CNOT4: variants seen among roughly 807,000 people sequenced by gnomAD.
CNOT4 encodes CCR4-NOT transcription complex subunit 4.
CNOT4 carries 8 observed loss-of-function variants against 73.8 expected under a neutral mutation model. That is an observed-to-expected ratio of 0.11 (90% CI 0.06 to 0.20). CNOT4 has a LOEUF of 0.20. Among genes scored for constraint, CNOT4 ranks in the 10% least tolerant of loss-of-function variants. CNOT4 has a pLI of 1.00. For synonymous variants in CNOT4, 293 were observed against 321.1 expected (o/e 0.91, Z 0.94); for missense variants, 564 against 883.4 (o/e 0.64, Z 4.58).
intron 1 of CNOT4, among the ~76,000 whole-genome samples, chr7:135,481,313 C>T (rs1329039068): frequency 6.6e-6 from 1 of 151,590 alleles, no homozygotes; most frequent in Non-Finnish European, 1.5e-5. Context: ...ATAAAAATGG[C>T]CAACAAGTAT....
chr7:135,416,559 A>C (rs1797883980), intron 3 of CNOT4, among the ~76,000 whole-genome samples: 2 of 152,202 alleles, frequency 1.3e-5, no homozygotes. Context: ...TAAAGAGAGA[A>C]GAGCAGAGTT....
At chr7:135,428,152 A>G (rs975653867) in intron 2 of CNOT4, among the ~76,000 whole-genome samples, 4 of 152,238 alleles carry the variant, frequency 2.6e-5, no homozygotes, top group Non-Finnish European at 5.9e-5. Context: ...GAGTTGCAGC[A>G]TGGAGATATA....
intron 1 of CNOT4, among the ~76,000 whole-genome samples, chr7:135,445,338 TAAAA>T (rs992129019): frequency 4.2e-4 from 64 of 152,240 alleles, no homozygotes; most frequent in Non-Finnish European, 6.9e-4. Flanking sequence ...AATTCATGAA[TAAAA>T]ACTTTGTAGA....
At chr7:135,405,330 A>G (rs1040972139) in intron 7 of CNOT4, among the ~76,000 whole-genome samples, 3 of 152,166 alleles carry the variant, frequency 2.0e-5, no homozygotes, top group Middle Eastern at 3.2e-3. Flanking sequence ...CAGCCACAAT[A>G]TCAAGTCATA....
intron 1 of CNOT4, among the ~76,000 whole-genome samples, chr7:135,495,751 A>G (rs1803519108): frequency 1.5e-5 from 2 of 134,492 alleles, no homozygotes; most frequent in Non-Finnish European, 3.3e-5. Context: ...AGAAAGAAAG[A>G]AAGAAAGAAA....
chr7:135,495,696 AAGAAAG>A lies in CNOT4; in HGVS notation c.-93+14187_-93+14192del, dbSNP rs1563083503. Among the ~76,000 whole-genome samples, 134 of 24,338 alleles carry A rather than the reference AAGAAAG, an allele frequency of 5.5e-3. 8 individuals carry two copies. Among genetic ancestry groups the A allele is most frequent in the African/African-American group, 0.017 (129 of 7,626 alleles). The allele number at this position is 24,338 out of a possible 152,430, so 16.0% of individuals were successfully genotyped here. On this transcript the variant is annotated intron_variant, in intron 1 of 11. Transcript: ENST00000541284. ...AAAAAAAAAAAAAAAAAAAAAAAGA[AAGAAAG>A]AAAGAAAGAAAGAAAGAAAGAAAGA...
At chr7:135,374,022 T>C (rs994619916) in intron 10 of CNOT4, among the ~76,000 whole-genome samples, 16 of 152,262 alleles carry the variant, frequency 1.1e-4, no homozygotes, top group African/African-American at 3.9e-4. Context: ...CGTAGCATTT[T>C]GACTAGAACT....
intron 2 of CNOT4, among the ~76,000 whole-genome samples, chr7:135,424,830 A>C (rs1040126893): frequency 6.6e-6 from 1 of 152,122 alleles, no homozygotes; most frequent in Non-Finnish European, 1.5e-5. Flanking sequence ...AAAACAAACA[A>C]GTTCATTTGA....
intron 1 of CNOT4, among the ~76,000 whole-genome samples, chr7:135,470,738 A>G (rs1801527800): frequency 1.3e-5 from 2 of 152,248 alleles, no homozygotes; most frequent in African/African-American, 2.4e-5. Flanking sequence ...GAAGCCAGTC[A>G]CAAAATTATG....
chr7:135,459,018 C>T (rs1054641749), intron 1 of CNOT4, among the ~76,000 whole-genome samples: 2 of 152,030 alleles, frequency 1.3e-5, no homozygotes, highest in South Asian at 2.1e-4. Flanking sequence ...TCACTATCTA[C>T]AGCAACTATA....
intron 1 of CNOT4, among the ~76,000 whole-genome samples, chr7:135,486,825 C>G (rs1802750836): frequency 6.6e-6 from 1 of 152,018 alleles, no homozygotes; most frequent in Non-Finnish European, 1.5e-5. Flanking sequence ...AAAAACAAAA[C>G]AAAACACTTT....
intron 1 of CNOT4, among the ~76,000 whole-genome samples, chr7:135,480,720 T>C (rs1434354847): frequency 6.6e-6 from 1 of 152,174 alleles, no homozygotes; most frequent in Non-Finnish European, 1.5e-5. Context: ...GTTCCTTCCA[T>C]TTTGTTCCTG....
At chr7:135,461,299 AAG>A (rs1377174756) in intron 1 of CNOT4, among the ~76,000 whole-genome samples, 7 of 152,118 alleles carry the variant, frequency 4.6e-5, no homozygotes, top group African/African-American at 1.7e-4. Flanking sequence ...GTGTGCAAAA[AAG>A]AAATAAGCAA....
At chr7:135,388,377 C>T in intron 10 of CNOT4, 5 of 984,654 alleles carry the variant, frequency 5.1e-6, no homozygotes, top group Non-Finnish European at 6.0e-6. Flanking sequence ...ATGCAATAGA[C>T]ATTATCTTGT....
At chr7:135,471,312 CACTCAAACAA>C (rs1174479148) in intron 1 of CNOT4, among the ~76,000 whole-genome samples, 2 of 151,132 alleles carry the variant, frequency 1.3e-5, no homozygotes, top group Non-Finnish European at 2.9e-5. Context: ...ATTCAGAGAC[CACTCAAACAA>C]ACGAAAACAG....
intron 1 of CNOT4, among the ~76,000 whole-genome samples, chr7:135,499,561 T>C (rs903701806): frequency 2.0e-5 from 3 of 152,028 alleles, no homozygotes; most frequent in Non-Finnish European, 4.4e-5. Context: ...TTGGAAAAGA[T>C]TTTTCAAACA....
At chr7:135,415,955 G>A (rs1201441527) in intron 3 of CNOT4, among the ~76,000 whole-genome samples, 6 of 151,890 alleles carry the variant, frequency 4.0e-5, no homozygotes, top group Admixed American at 2.0e-4. Flanking sequence ...TGGTACCTAC[G>A]TACCTCATCT....
chr7:135,383,518 C>T (rs1795955203), intron 10 of CNOT4, among the ~76,000 whole-genome samples: 1 of 152,168 alleles, frequency 6.6e-6, no homozygotes, highest in African/African-American at 2.4e-5. Flanking sequence ...GGAAACCTGA[C>T]CCAGGATTCC....
At chr7:135,442,985 G>T (rs1254393150) in intron 1 of CNOT4, among the ~76,000 whole-genome samples, 1 of 152,102 alleles carries the variant, frequency 6.6e-6, no homozygotes, top group African/African-American at 2.4e-5. Context: ...CTTGACCAAA[G>T]GAGGTCGCGG....
Sources: allele counts gnomAD v4.1 joint callset (sites outside exome capture counted in the v4.1 genomes callset), GRCh38; gene constraint gnomAD v4.1.1; transcripts MANE v1.5; gene names NCBI Gene and HGNC (gene_info 2026-07-23, HGNC 2026-07-21).